The following PRDM16 variants were observed in gnomAD, a reference collection of about 807,000 sequenced individuals.
PRDM16 encodes histone-lysine N-methyltransferase PRDM16.
In PRDM16, 23 loss-of-function variants were observed where a neutral mutation model predicts 110.6. That is an observed-to-expected ratio of 0.21 (90% CI 0.15 to 0.29). The LOEUF is 0.29. PRDM16 is among the 10% of genes least tolerant of loss of function. The pLI is 1.00. For missense variants in PRDM16, 1,615 were observed against 1,794.3 expected, an observed-to-expected ratio of 0.90 and a Z score of 1.81; for synonymous variants, 799 against 781.8, an observed-to-expected ratio of 1.02 and a Z score of -0.37.
intron 1 of PRDM16, among the ~76,000 whole-genome samples, chr1:3,153,930 C>T (rs946499939): frequency 2.0e-5 from 3 of 152,362 alleles, no homozygotes; most frequent in Admixed American, 6.5e-5. Context: ...TTTGATTTCA[C>T]ATGTTACCAG....
At chr1:3,388,853 G>A (rs1166080154) in intron 4 of PRDM16, among the ~76,000 whole-genome samples, 6 of 152,340 alleles carry the variant, frequency 3.9e-5, no homozygotes, top group Admixed American at 1.3e-4. Flanking sequence ...TTCACTGGAT[G>A]TGGGTTGCTG....
intron 1 of PRDM16, among the ~76,000 whole-genome samples, chr1:3,125,970 G>A (rs1557466419): frequency 6.6e-6 from 1 of 152,242 alleles, no homozygotes; most frequent in Non-Finnish European, 1.5e-5. Flanking sequence ...TTAGCAAGAG[G>A]AATTAGCGTT....
intron 1 of PRDM16, among the ~76,000 whole-genome samples, chr1:3,093,083 G>T (rs1292355529): frequency 6.6e-6 from 1 of 152,172 alleles, no homozygotes; most frequent in Non-Finnish European, 1.5e-5. Flanking sequence ...TAACTTCCCT[G>T]AGCTGACCGC....
At chr1:3,122,101 G>C (rs1166505154) in intron 1 of PRDM16, among the ~76,000 whole-genome samples, 2 of 152,166 alleles carry the variant, frequency 1.3e-5, no homozygotes, top group African/African-American at 4.8e-5. Flanking sequence ...TGTCTGTGGA[G>C]GTCAGGCGGA....
At chr1:3,222,213 G>A (rs1253809336) in intron 2 of PRDM16, among the ~76,000 whole-genome samples, 4 of 152,178 alleles carry the variant, frequency 2.6e-5, no homozygotes, top group Non-Finnish European at 5.9e-5. Flanking sequence ...TGCCCACGTG[G>A]GTTCCCTCCC....
In PRDM16 at chr1:3,341,401, G is replaced by A. The variant is rs374458648; in HGVS notation, c.439-43751G>A. Among the ~76,000 whole-genome samples, 8 of 152,286 alleles carry A rather than the reference G, an allele frequency of 5.3e-5. No individual in the cohort carries two copies. The South Asian group carries it at 1.0e-3, about 20-fold the overall frequency. ...TTCCCATCCAGAGGGGAAGCAAGGGGGGCAACCTGGCGACTTTGCCCCATG... is the reference window on the plus strand; with the variant it reads ...TTCCCATCCAGAGGGGAAGCAAGGGAGGCAACCTGGCGACTTTGCCCCATG... On this transcript the variant is annotated intron_variant, in intron 3 of 16. Transcript: ENST00000270722.
At chr1:3,426,509 C>G (rs1006702318) in intron 14 of PRDM16, among the ~76,000 whole-genome samples, 1 of 152,100 alleles carries the variant, frequency 6.6e-6, no homozygotes, top group Non-Finnish European at 1.5e-5. Context: ...GCCAGGTGAC[C>G]GAGCCGGGCA....
At chr1:3,159,884 C>A (rs1235514375) in intron 1 of PRDM16, among the ~76,000 whole-genome samples, 2 of 152,112 alleles carry the variant, frequency 1.3e-5, no homozygotes. Flanking sequence ...TACAGGACAC[C>A]CAGTAAACTT....
At chr1:3,112,356 G>A (rs1371194264) in intron 1 of PRDM16, among the ~76,000 whole-genome samples, 4 of 152,222 alleles carry the variant, frequency 2.6e-5, no homozygotes, top group Admixed American at 6.5e-5. Context: ...CGTGGGCCCC[G>A]GGAACCGGCC....
intron 3 of PRDM16, among the ~76,000 whole-genome samples, chr1:3,355,007 G>C (rs1642564739): frequency 6.6e-6 from 1 of 152,176 alleles, no homozygotes; most frequent in Admixed American, 6.5e-5. Context: ...AACCTGTAGA[G>C]TGCTCTGTGG....
rs1643277907 is a variant in PRDM16 at position 3,390,373 on chromosome 1, G to A, written c.573+5087G>A. ...CCCCCCAGCGTACCACGGAACGGCTGTAGGGCTCTCAAACGACCTGTAGCA... is the reference window on the plus strand; with the variant it reads ...CCCCCCAGCGTACCACGGAACGGCTATAGGGCTCTCAAACGACCTGTAGCA... On this transcript the variant is annotated intron_variant, in intron 4 of 16. Coordinates refer to ENST00000270722, the MANE Select transcript of PRDM16 (RefSeq NM_022114.4). The surrounding 1 kb of genome is among the most constrained non-coding windows in gnomAD (Gnocchi z 5.0). Among the ~76,000 whole-genome samples, 1 of 152,178 alleles carries A rather than the reference G, an allele frequency of 6.6e-6. No homozygotes were observed. Among genetic ancestry groups the A allele is most frequent in the East Asian group, 1.9e-4 (1 of 5,170 alleles).
In PRDM16 at chr1:3,091,510, C is replaced by T. The variant is rs558936157; in HGVS notation, c.37+22214C>T. On this transcript the variant is annotated intron_variant, in intron 1 of 16. Coordinates refer to ENST00000270722, the MANE Select transcript of PRDM16 (RefSeq NM_022114.4). The stretch of plus-strand genomic sequence containing the variant: ...GTTGGGCCGAATCCACTCCTCGTGC[C>T]GGCTCCTCTCCACGCCTGCCCCGTG... Among the ~76,000 whole-genome samples the T allele has an allele frequency of 2.1e-4, 32 of 152,344 alleles. No homozygotes were observed. In the East Asian group the frequency reaches 5.0e-3, roughly 24 times the overall value.
At chr1:3,408,234 C>T (rs890642297) in intron 8 of PRDM16, among the ~76,000 whole-genome samples, 1 of 152,206 alleles carries the variant, frequency 6.6e-6, no homozygotes, top group African/African-American at 2.4e-5. Context: ...AAGCCCTAAG[C>T]CCCCACCTCA....
Position 3,417,951 on chromosome 1 carries a change from C to G in PRDM16, c.2815C>G (p.Leu939Val), listed in dbSNP as rs150022595. The G allele has an allele frequency of 1.8e-4, 297 of 1,613,180 alleles. 1 individual carries two copies. In the East Asian group the frequency reaches 5.5e-3, roughly 30 times the overall value. The change falls in exon 11 of 17, where the codon CTC becomes GTC. Residue 939 changes from leucine to valine, a missense_variant. This residue lies in a region of PRDM16 where 772 missense variants were observed against 748.3 expected (regional missense o/e 1.03). Coordinates refer to ENST00000270722, the MANE Select transcript of PRDM16 (RefSeq NM_022114.4). ...PFNFRSPPPT[L>V]SDPILRKGKE... ...CAACTTCCGGTCCCCACCCCCAACG[C>G]TCTCCGACCCCATCCTCAGGAAGGG...
chr1:3,229,232 G>A (rs1053437380), intron 2 of PRDM16, among the ~76,000 whole-genome samples: 93 of 152,278 alleles, frequency 6.1e-4, no homozygotes, highest in African/African-American at 2.0e-3. Flanking sequence ...CAGGGCCATC[G>A]TTACCCACAC....
At chr1:3,251,765 G>C (rs928713386) in intron 3 of PRDM16, among the ~76,000 whole-genome samples, 1 of 152,190 alleles carries the variant, frequency 6.6e-6, no homozygotes, top group African/African-American at 2.4e-5. Flanking sequence ...ATAGGAGCCA[G>C]ATGGTGGCGT....
intron 1 of PRDM16, among the ~76,000 whole-genome samples, chr1:3,181,065 TAC>T (rs1383540662): frequency 3.7e-5 from 5 of 136,908 alleles, no homozygotes; most frequent in South Asian, 2.4e-4. Context: ...CACGCGGTCT[TAC>T]ACACCCGGTC....
chr1:3,228,600 C>A (rs1331359275), intron 2 of PRDM16, among the ~76,000 whole-genome samples: 2 of 152,178 alleles, frequency 1.3e-5, no homozygotes, highest in Non-Finnish European at 2.9e-5. Flanking sequence ...GCCCTCTCCC[C>A]ACTGCCTCGA....
chr1:3,098,324 G>T lies in PRDM16; in HGVS notation c.37+29028G>T, dbSNP rs186158438. Among the ~76,000 whole-genome samples, 19 of 152,288 alleles carry T rather than the reference G, an allele frequency of 1.2e-4. 1 individual carries two copies. The East Asian group carries it at 3.7e-3, about 29-fold the overall frequency. Reference sequence around the variant, plus strand: ...GCCGGCTCCCTGCTCCCTGCTCCTGGGTGTCAACTCTTGGGCGAGGTCACC... The same window carrying T: ...GCCGGCTCCCTGCTCCCTGCTCCTGTGTGTCAACTCTTGGGCGAGGTCACC... On this transcript the variant is annotated intron_variant, in intron 1 of 16. Coordinates refer to ENST00000270722, the MANE Select transcript of PRDM16 (RefSeq NM_022114.4).
Sources: allele counts gnomAD v4.1 joint callset (sites outside exome capture counted in the v4.1 genomes callset), GRCh38; gene constraint gnomAD v4.1.1; regional missense constraint gnomAD v4.1.1; non-coding constraint Gnocchi (gnomAD v3.1); transcripts MANE v1.5; gene names NCBI Gene and HGNC (gene_info 2026-07-23, HGNC 2026-07-21).